PTK2: variants seen among roughly 807,000 people sequenced by gnomAD.
PTK2 encodes focal adhesion kinase 1.
In PTK2, 45 loss-of-function variants were observed where a neutral mutation model predicts 150.1. The observed-to-expected ratio is 0.30, with a 90% CI of 0.24 to 0.38. The LOEUF (loss-of-function observed/expected upper bound fraction) is 0.38. PTK2 is among the 10% of genes least tolerant of loss of function. The pLI is 1.00. For missense variants in PTK2, 919 were observed against 1,307.3 expected (o/e 0.70, Z 4.58); for synonymous variants, 432 against 449.2 (o/e 0.96, Z 0.48).
chr8:140,851,729 T>C (rs2100129356), intron 5 of PTK2, among the ~76,000 whole-genome samples: 1 of 151,876 alleles, frequency 6.6e-6, no homozygotes, highest in African/African-American at 2.4e-5. Context: ...CATGGTGGTG[T>C]GCACCTGTAG....
intron 24 of PTK2, among the ~76,000 whole-genome samples, chr8:140,704,736 G>A (rs79006074): frequency 0.01 from 1,545 of 152,188 alleles, 30 homozygotes; most frequent in African/African-American, 0.034. Context: ...GGCCACCTAC[G>A]TACTTCCCAT....
intron 27 of PTK2, among the ~76,000 whole-genome samples, chr8:140,678,343 T>C (rs551540406): frequency 3.1e-4 from 47 of 151,048 alleles, no homozygotes; most frequent in African/African-American, 1.1e-3. Context: ...CCACTGCGCC[T>C]GGCCCTTATT....
intron 16 of PTK2, among the ~76,000 whole-genome samples, chr8:140,759,530 TAAAAAA>T (rs761643170): frequency 5.2e-5 from 3 of 58,076 alleles, no homozygotes; most frequent in South Asian, 9.5e-4. Flanking sequence ...GACCCTGTCC[TAAAAAA>T]AAAAAAAAAA....
exon 22 of PTK2, chr8:140,735,446 A>G (rs1245760109): frequency 1.2e-6 from 2 of 1,613,950 alleles, no homozygotes; most frequent in Non-Finnish European, 1.7e-6. Context: ...TATCTCCCAC[A>G]TACACACACC....
chr8:140,736,780 T>A (rs2100052839), intron 21 of PTK2, among the ~76,000 whole-genome samples: 1 of 152,198 alleles, frequency 6.6e-6, no homozygotes, highest in Admixed American at 6.5e-5. Flanking sequence ...TGTAATGTAG[T>A]TCTTTATAAT....
chr8:140,790,531 A>G (rs866423777), intron 13 of PTK2, among the ~76,000 whole-genome samples: 3 of 152,240 alleles, frequency 2.0e-5, no homozygotes, highest in Non-Finnish European at 2.9e-5. Context: ...CAGGTGTGGA[A>G]GTTTCCACTT....
intron 28 of PTK2, among the ~76,000 whole-genome samples, chr8:140,675,186 G>T (rs1386209047): frequency 2.1e-5 from 3 of 143,242 alleles, no homozygotes; most frequent in South Asian, 4.3e-4. Flanking sequence ...TTTTTTTTGA[G>T]ACCGAGTGTT....
chr8:140,994,242 G>GT, intron 1 of PTK2, among the ~76,000 whole-genome samples: 1 of 152,344 alleles, frequency 6.6e-6, no homozygotes, highest in East Asian at 1.9e-4. Flanking sequence ...GGGGAGGACA[G>GT]TGCCACTAAG....
chr8:140,694,293 G>A lies in PTK2; in HGVS notation c.2499+6598C>T, dbSNP rs111398799. On this transcript the variant is annotated intron_variant, in intron 26 of 31. Transcript: ENST00000522684. ...CCTGACCTCGTGATCCGTCTGCCTC[G>A]GCCTCCCAAAATGCTGGGATTACAG... 3.6e-3 allele frequency among the ~76,000 whole-genome samples: 552 copies of A among 151,978 alleles called. 6 individuals carry two copies. The highest frequency in any genetic ancestry group is 0.013 in the African/African-American group (521 of 41,450).
intron 1 of PTK2, among the ~76,000 whole-genome samples, chr8:140,961,448 T>A (rs1442740643): frequency 6.6e-6 from 1 of 151,886 alleles, no homozygotes; most frequent in Admixed American, 6.5e-5. Context: ...GATCACAAGG[T>A]CAGGAGATCG....
chr8:140,727,222 GT>G (rs2100046384), intron 22 of PTK2, among the ~76,000 whole-genome samples: 1 of 151,998 alleles, frequency 6.6e-6, no homozygotes, highest in African/African-American at 2.4e-5. Flanking sequence ...GGACGTGTGG[GT>G]GAGAACCAAA....
At chr8:140,833,322 G>T (rs2100116662) in intron 7 of PTK2, among the ~76,000 whole-genome samples, 1 of 151,048 alleles carries the variant, frequency 6.6e-6, no homozygotes, top group Admixed American at 6.6e-5. Context: ...TAAAAATGAG[G>T]CTCAAGTACA....
chr8:140,890,443 A>C, intron 3 of PTK2, 100 bp downstream of exon 3: 1 of 994,630 alleles, frequency 1.0e-6, no homozygotes, highest in Non-Finnish European at 1.5e-6. Flanking sequence ...AAAGTCCCCG[A>C]TAAGTTAAAT....
intron 23 of PTK2, among the ~76,000 whole-genome samples, chr8:140,714,089 T>A (rs949350042): frequency 5.3e-5 from 8 of 152,186 alleles, no homozygotes; most frequent in Non-Finnish European, 1.0e-4. Context: ...AGTCTCATCC[T>A]GTTGCCCAGG....
intron 8 of PTK2, among the ~76,000 whole-genome samples, chr8:140,823,060 A>G (rs2100109753): frequency 6.6e-6 from 1 of 152,214 alleles, no homozygotes; most frequent in African/African-American, 2.4e-5. Flanking sequence ...GTCCAGCAAA[A>G]GCCCTGGAAT....
At chr8:140,950,161 G>A (rs1325072473) in intron 1 of PTK2, among the ~76,000 whole-genome samples, 1 of 151,882 alleles carries the variant, frequency 6.6e-6, no homozygotes, top group Non-Finnish European at 1.5e-5. Context: ...ATTCTTCCTG[G>A]ACACTGGATA....
chr8:140,764,395 G>T, intron 14 of PTK2, 105 bp from the exon 17 acceptor site: 1 of 844,646 alleles, frequency 1.2e-6, no homozygotes, highest in Non-Finnish European at 1.9e-6. Flanking sequence ...CCTCTACTAC[G>T]CTGAAATATT....
intron 26 of PTK2, among the ~76,000 whole-genome samples, chr8:140,693,793 A>T (rs1228304438): frequency 6.6e-6 from 1 of 152,050 alleles, no homozygotes; most frequent in African/African-American, 2.4e-5. Context: ...AACCATAAAA[A>T]ATGATGTGAT....
At chr8:140,928,501 A>C (rs555248895) in intron 1 of PTK2, among the ~76,000 whole-genome samples, 1 of 152,322 alleles carries the variant, frequency 6.6e-6, no homozygotes, top group African/African-American at 2.4e-5. Context: ...AGATATTCAA[A>C]CACCCATATT....
Sources: gnomAD v4.1 joint callset for allele counts (sites outside exome capture counted in the v4.1 genomes callset) on GRCh38, gnomAD v4.1.1 for gene constraint, MANE v1.5 for transcripts, NCBI Gene and HGNC (gene_info 2026-07-23, HGNC 2026-07-21) for gene names.